The following RAP1A variants were observed in gnomAD, a reference collection of about 807,000 sequenced individuals.
RAP1A encodes the protein ras-related protein Rap-1A.
In RAP1A, 6 loss-of-function variants were observed where a neutral mutation model predicts 26.4. The observed-to-expected ratio is 0.23, with a 90% CI of 0.12 to 0.45. RAP1A has a LOEUF of 0.45. Among genes scored for constraint, RAP1A ranks in the 20% least tolerant of loss-of-function variants. The probability of loss-of-function intolerance (pLI) is 0.99; values close to 1 mark genes in which losing one functional copy is unlikely to be tolerated. For missense variants in RAP1A, 121 were observed against 217.2 expected, an observed-to-expected ratio of 0.56 and a Z score of 2.78; for synonymous variants, 73 against 79.4, an observed-to-expected ratio of 0.92 and a Z score of 0.43.
chr1:111,649,756 C>G (rs897252153), intron 1 of RAP1A, among the ~76,000 whole-genome samples: 1 of 152,118 alleles, frequency 6.6e-6, no homozygotes, highest in African/African-American at 2.4e-5. Context: ...TACATTATTT[C>G]TTTTAGCTAG....
At chr1:111,633,304 A>G (rs1183957525) in intron 1 of RAP1A, among the ~76,000 whole-genome samples, 1 of 152,184 alleles carries the variant, frequency 6.6e-6, no homozygotes, top group Non-Finnish European at 1.5e-5. Flanking sequence ...TGATTTGGTA[A>G]TGACATACAT....
chr1:111,704,448 T>C lies in RAP1A; in HGVS notation c.430T>C (p.Leu144=). The C allele has an allele frequency of 6.2e-7, 1 of 1,613,774 alleles. No homozygotes were observed. Among genetic ancestry groups the C allele is most frequent in the Non-Finnish European group, 8.5e-7 (1 of 1,179,796 alleles). Residue 144 remains leucine (L), a synonymous_variant, in exon 6 of 8, where the codon TTA becomes CTA. Transcript: ENST00000369709. ...LARQWCNCAF[L]ESSAKSKINV... ...AAGACAGTGGTGTAACTGTGCCTTTTTAGAATCTTCTGCAAAGTCAAAGAT... is the reference window on the plus strand; with the variant it reads ...AAGACAGTGGTGTAACTGTGCCTTTCTAGAATCTTCTGCAAAGTCAAAGAT...
chr1:111,634,895 G>A (rs1442310527), intron 1 of RAP1A, among the ~76,000 whole-genome samples: 1 of 152,070 alleles, frequency 6.6e-6, no homozygotes. Flanking sequence ...TACCCGCCTC[G>A]GCCTCCCAAA....
chr1:111,713,471 CA>C lies in RAP1A; in HGVS notation c.*1071del, dbSNP rs1662446461. ...AACTTTTACTATTTCAGATCTTCCA[CA>C]GCTTGTAATTTCATCAAGGGAATCC... On this transcript the variant is annotated 3_prime_UTR_variant, in exon 8 of 8. Coordinates refer to ENST00000369709, the MANE Select transcript of RAP1A (RefSeq NM_002884.4). 1 of 152,132 alleles carries C rather than the reference CA, an allele frequency of 6.6e-6. No homozygotes were observed. The highest frequency in any genetic ancestry group is 1.5e-5 in the Non-Finnish European group (1 of 68,010). 9.4% of individuals were successfully genotyped at this position (152,132 alleles called of 1,614,324 possible).
intron 1 of RAP1A, among the ~76,000 whole-genome samples, chr1:111,548,213 G>T (rs1657110145): frequency 6.6e-6 from 1 of 152,174 alleles, no homozygotes; most frequent in Admixed American, 6.5e-5. Context: ...TAGAGATGGG[G>T]TTTCCCCATG....
At chr1:111,669,512 A>G (rs1660910764) in intron 1 of RAP1A, among the ~76,000 whole-genome samples, 1 of 152,194 alleles carries the variant, frequency 6.6e-6, no homozygotes, top group South Asian at 2.1e-4. Flanking sequence ...GCAATACTCT[A>G]AGGATGACAG....
intron 1 of RAP1A, among the ~76,000 whole-genome samples, chr1:111,667,943 G>A (rs181026081): frequency 6.8e-4 from 104 of 152,268 alleles, no homozygotes; most frequent in African/African-American, 2.4e-3. Flanking sequence ...CAGACATAGA[G>A]GATAGGAGAC....
chr1:111,596,302 G>A (rs1658562720), intron 1 of RAP1A, among the ~76,000 whole-genome samples: 1 of 152,082 alleles, frequency 6.6e-6, no homozygotes, highest in South Asian at 2.1e-4. Flanking sequence ...AGTTCTGAAA[G>A]GCCCTACAGA....
intron 1 of RAP1A, chr1:111,602,390 G>C (rs1424528717): frequency 6.6e-6 from 1 of 152,232 alleles, no homozygotes. Context: ...TATCTACATA[G>C]TAGGGGCTTG....
intron 1 of RAP1A, among the ~76,000 whole-genome samples, chr1:111,610,578 A>C (rs908303536): frequency 1.4e-4 from 20 of 138,030 alleles, no homozygotes; most frequent in Admixed American, 5.1e-4. Context: ...ACACACACAC[A>C]CACCCAACAC....
intron 1 of RAP1A, among the ~76,000 whole-genome samples, chr1:111,573,721 T>A (rs1658093919): frequency 6.6e-6 from 1 of 152,352 alleles, no homozygotes; most frequent in East Asian, 1.9e-4. Context: ...ATCAGTGATA[T>A]TTAGATTTTT....
chr1:111,635,604 G>A lies in RAP1A; in HGVS notation c.-28+15670G>A, dbSNP rs114861976. Among the ~76,000 whole-genome samples the A allele has an allele frequency of 8.7e-3, 1,322 of 152,070 alleles. 37 individuals are homozygous for A. Among genetic ancestry groups the A allele is most frequent in the African/African-American group, 0.03 (1,258 of 41,404 alleles). ...TTCTGAAACAGTGTCTCACTCTGTC[G>A]CCCAGGGTGGAGTTCAGTGGCTGCA... is the stretch of plus-strand genomic sequence containing the variant. On this transcript the variant is annotated intron_variant, in intron 1 of 7. Transcript: ENST00000369709.
At chr1:111,678,210 G>T (rs1267160095) in intron 1 of RAP1A, among the ~76,000 whole-genome samples, 1 of 152,188 alleles carries the variant, frequency 6.6e-6, no homozygotes, top group Non-Finnish European at 1.5e-5. Context: ...AGATCAACAT[G>T]AAGAGAATGA....
intron 1 of RAP1A, among the ~76,000 whole-genome samples, chr1:111,582,990 G>A (rs1658288252): frequency 6.6e-6 from 1 of 152,124 alleles, no homozygotes; most frequent in African/African-American, 2.4e-5. Flanking sequence ...GGTGCATGGA[G>A]GTCTAGAGGC....
chr1:111,683,715 C>T (rs181677730), intron 1 of RAP1A, among the ~76,000 whole-genome samples: 12 of 152,252 alleles, frequency 7.9e-5, no homozygotes, highest in African/African-American at 1.9e-4. Context: ...GATTCACAGC[C>T]GAATTCTACC....
chr1:111,658,100 G>A (rs958191156), intron 1 of RAP1A, among the ~76,000 whole-genome samples: 2 of 151,994 alleles, frequency 1.3e-5, no homozygotes, highest in African/African-American at 2.4e-5. Flanking sequence ...TTCATTGTTG[G>A]ATAAAGTACA....
intron 1 of RAP1A, among the ~76,000 whole-genome samples, chr1:111,687,208 A>T (rs796559777): frequency 0.012 from 1,546 of 131,288 alleles, 23 homozygotes; most frequent in African/African-American, 0.042. Flanking sequence ...ATTGAGTTGA[A>T]TTTTTTTTTT....
intron 1 of RAP1A, among the ~76,000 whole-genome samples, chr1:111,623,010 A>C (rs1006495812): frequency 1.3e-5 from 2 of 151,940 alleles, no homozygotes; most frequent in Admixed American, 1.3e-4. Context: ...TTACAAAGGG[A>C]TATGTTTAAA....
intron 1 of RAP1A, among the ~76,000 whole-genome samples, chr1:111,606,688 T>C (rs1450160369): frequency 6.6e-6 from 1 of 152,204 alleles, no homozygotes; most frequent in Non-Finnish European, 1.5e-5. Context: ...AGTCACGGTG[T>C]TGTTATTATT....
Sources: allele counts gnomAD v4.1 joint callset (sites outside exome capture counted in the v4.1 genomes callset), GRCh38; gene constraint gnomAD v4.1.1; transcripts MANE v1.5; gene names NCBI Gene and HGNC (gene_info 2026-07-23, HGNC 2026-07-21).